The following SCN7A variants were observed in gnomAD, a reference collection of about 807,000 sequenced individuals.
SCN7A encodes sodium channel protein type 7 subunit alpha.
SCN7A carries 138 observed loss-of-function variants against 155.2 expected under a neutral mutation model. The observed-to-expected ratio is 0.89, with a 90% CI of 0.77 to 1.02. The LOEUF is 1.02. SCN7A is among the 50% of genes least tolerant of loss of function. The probability of loss-of-function intolerance (pLI) is 0.00; values close to 1 mark genes in which losing one functional copy is unlikely to be tolerated. For synonymous variants in SCN7A, 693 were observed against 649.0 expected, an observed-to-expected ratio of 1.07 and a Z score of -1.03; for missense variants, 2,058 against 1,986.6, an observed-to-expected ratio of 1.04 and a Z score of -0.68.
chr2:166,461,567 C>G (rs562579628), intron 10 of SCN7A, among the ~76,000 whole-genome samples: 1 of 152,188 alleles, frequency 6.6e-6, no homozygotes, highest in African/African-American at 2.4e-5. Context: ...CAAAAAGAAA[C>G]AGGACACTGT....
At chr2:166,439,022 C>T (rs1048774216) in intron 15 of SCN7A, among the ~76,000 whole-genome samples, 2 of 114,956 alleles carry the variant, frequency 1.7e-5, no homozygotes, top group African/African-American at 6.9e-5. Context: ...TGTATATATA[C>T]ATACACACAC....
Position 166,409,788 on chromosome 2 carries a change from T to C in SCN7A, c.3859A>G (p.Asn1287Asp), listed in dbSNP as rs746215858. ...LQMSIALYWI[N>D]SIFVMLYTME... is the part of the protein sequence containing the mutation. ...GTATATAGCATAACAAAAATTGAGT[T>C]AATCCAGTAGAGAGCAATGGACATT... The change falls in exon 25 of 26, where the codon AAC becomes GAC. Residue 1287 changes from asparagine to aspartate, a missense_variant. Asn to Asp is a conservative substitution (Grantham distance 23, BLOSUM62 1). Coordinates refer to ENST00000643258, the MANE Select transcript of SCN7A (RefSeq NM_002976.4). 6.4e-6 allele frequency: 10 copies of C among 1,570,776 alleles called. No homozygotes were observed. The East Asian group carries it at 1.9e-4, about 29-fold the overall frequency.
intron 20 of SCN7A, among the ~76,000 whole-genome samples, chr2:166,420,096 GTGAAATTATTAAAATTTC>G (rs1701479724): frequency 6.6e-6 from 1 of 151,656 alleles, no homozygotes; most frequent in Non-Finnish European, 1.5e-5. Context: ...AATCATAAAA[GTGAAATTATTAAAATTTC>G]TGAAATTATT....
At chr2:166,414,279 T>G (rs917262312) in intron 21 of SCN7A, among the ~76,000 whole-genome samples, 9 of 31,448 alleles carry the variant, frequency 2.9e-4, no homozygotes, top group Non-Finnish European at 5.1e-4. Flanking sequence ...CACATATATA[T>G]ATATATACAC....
At chr2:166,412,968 C>T in intron 22 of SCN7A, 100 bp downstream of exon 22, 1 of 926,354 alleles carries the variant, frequency 1.1e-6, no homozygotes, top group Non-Finnish European at 1.6e-6. Flanking sequence ...ATCTGAACTG[C>T]ATTTGATTTC....
At chr2:166,432,879 A>G (rs1332870112) in intron 15 of SCN7A, 127 bp from the exon 16 acceptor site, 2 of 635,526 alleles carry the variant, frequency 3.1e-6, no homozygotes, top group Non-Finnish European at 2.6e-6. Context: ...CAAGAATACA[A>G]TATATTGTAA....
chr2:166,432,248 C>A (rs1049867856), intron 16 of SCN7A, 70 bp downstream of exon 16: 6 of 1,251,856 alleles, frequency 4.8e-6, no homozygotes, highest in Non-Finnish European at 6.6e-6. Context: ...GGAACTTCGG[C>A]GCTGATTTAC....
chr2:166,409,809 A>T lies in SCN7A; in HGVS notation c.3838T>A (p.Ser1280Thr). 1 of 1,573,014 alleles carries T rather than the reference A, an allele frequency of 6.4e-7. No homozygotes were observed. Among genetic ancestry groups the T allele is most frequent in the South Asian group, 1.2e-5 (1 of 85,882 alleles). ...GAGTTAATCCAGTAGAGAGCAATGG[A>T]CATTTGTAGACTCTGAACATCAGTG... ...IDTDVQSLQM[S>T]IALYWINSIF... Residue 1280 changes from serine (S) to threonine (T), a missense_variant, in exon 25 of 26, where the codon TCC becomes ACC. Transcript: ENST00000643258.
intron 20 of SCN7A, among the ~76,000 whole-genome samples, chr2:166,418,557 C>CT (rs1559092221): frequency 8.6e-5 from 13 of 151,556 alleles, no homozygotes. Flanking sequence ...GATACTAATC[C>CT]TTTTGCCTGC....
chr2:166,472,868 T>G (rs1022968670), intron 5 of SCN7A, among the ~76,000 whole-genome samples: 3 of 151,854 alleles, frequency 2.0e-5, no homozygotes, highest in Non-Finnish European at 4.4e-5. Context: ...GAATTTTCTT[T>G]TACAGGAACA....
chr2:166,449,645 A>G (rs1702137458), intron 11 of SCN7A, among the ~76,000 whole-genome samples: 1 of 152,130 alleles, frequency 6.6e-6, no homozygotes, highest in African/African-American at 2.4e-5. Flanking sequence ...GTACCTGAAC[A>G]GACACTTCCC....
Position 166,432,453 on chromosome 2 carries a change from A to G in SCN7A, c.2457T>C (p.Thr819=). 6.2e-7 allele frequency: 1 copy of G among 1,613,612 alleles called. No individual in the cohort carries two copies. The highest frequency in any genetic ancestry group is 1.3e-5 in the African/African-American group (1 of 74,980). ...GGATAAGTGATTGGCTCTCATTTTC[A>G]GTAGCGTTTTTCTCTGTGCCACTGC... The part of the protein sequence containing the change: ...EKSSGTEKNA[T]ENESQSLIPS... The change falls in exon 16 of 26, where the codon ACT becomes ACC. Residue 819 remains threonine (T), a synonymous_variant. Coordinates refer to ENST00000643258, the MANE Select transcript of SCN7A (RefSeq NM_002976.4).
intron 21 of SCN7A, among the ~76,000 whole-genome samples, chr2:166,415,557 G>A (rs191551186): frequency 4.1e-4 from 63 of 152,114 alleles, no homozygotes; most frequent in Admixed American, 3.9e-4. Context: ...TGTATGTTGC[G>A]GGAAGTCAGG....
At chr2:166,443,232 C>T (rs746070193) in intron 14 of SCN7A, among the ~76,000 whole-genome samples, 2 of 152,088 alleles carry the variant, frequency 1.3e-5, no homozygotes, top group African/African-American at 4.8e-5. Context: ...TCTTGCTTTC[C>T]AAAATGTACT....
Position 166,477,820 on chromosome 2 carries a change from C to T in SCN7A, c.-14-110G>A, listed in dbSNP as rs541636668. The T allele has an allele frequency of 1.0e-5, 6 of 579,498 alleles. No individual in the cohort carries two copies. In the South Asian group the frequency reaches 2.2e-4, roughly 21 times the overall value. The allele number at this position is 579,498 out of a possible 1,614,324, so 35.9% of individuals were successfully genotyped here. On this transcript the variant is annotated intron_variant, in intron 2 of 25. Transcript: ENST00000643258. Reference sequence around the variant, plus strand: ...AAACTGAATGTATGCATTTAAAGAACATATTCCTTAGTTTTGTAGAAATCT... The same window carrying T: ...AAACTGAATGTATGCATTTAAAGAATATATTCCTTAGTTTTGTAGAAATCT...
At chr2:166,485,827 T>A (rs147292841) in intron 2 of SCN7A, among the ~76,000 whole-genome samples, 12 of 152,292 alleles carry the variant, frequency 7.9e-5, no homozygotes, top group Admixed American at 2.0e-4. Context: ...TTCTAAATTA[T>A]CCTTTGTTAT....
chr2:166,477,573 G>C lies in SCN7A; in HGVS notation c.124C>G (p.Pro42Ala). 6.3e-7 allele frequency: 1 copy of C among 1,582,254 alleles called. No homozygotes were observed. The highest frequency in any genetic ancestry group is 8.6e-7 in the Non-Finnish European group (1 of 1,161,990). The change falls in exon 3 of 26, where the codon CCT (proline) becomes GCT (alanine). Residue 42 changes from proline (P) to alanine (A), a missense_variant. Transcript: ENST00000643258. ...AGCTTTTTGCCAACTTCCAAATCAG[G>C]AGTTGGCTTTAAGTCTTCTTCTTCA... ...DHEEEDLKPT[P>A]DLEVGKKLPF...
chr2:166,429,384 A>G (rs1355547778), intron 16 of SCN7A, 110 bp from the exon 17 acceptor site: 1 of 682,878 alleles, frequency 1.5e-6, no homozygotes, highest in East Asian at 2.9e-5. Context: ...CAGAAATAAT[A>G]TTATTAGGTT....
Position 166,405,478 on chromosome 2 carries a change from G to A in SCN7A, c.*102C>T. 1 of 872,726 alleles carries A rather than the reference G, an allele frequency of 1.1e-6. No individual in the cohort carries two copies. The highest frequency in any genetic ancestry group is 1.8e-6 in the Non-Finnish European group (1 of 570,154). 54.1% of individuals were successfully genotyped at this position (872,726 alleles called of 1,614,324 possible). On this transcript the variant is annotated 3_prime_UTR_variant, in exon 26 of 26. Coordinates refer to ENST00000643258, the MANE Select transcript of SCN7A (RefSeq NM_002976.4). ...AATACAAGCTTAATTACCATCGGTT[G>A]TAAAGAACTGATTATTATCTCTACT...
Sources: gnomAD v4.1 joint callset for allele counts (sites outside exome capture counted in the v4.1 genomes callset) on GRCh38, gnomAD v4.1.1 for gene constraint, MANE v1.5 for transcripts, NCBI Gene and HGNC (gene_info 2026-07-23, HGNC 2026-07-21) for gene names.